Variants in KAZN observed in about 807,000 individuals in gnomAD.
The protein encoded by KAZN is kazrin.
Under a neutral mutation model 87.4 loss-of-function variants are expected in KAZN, and 40 were observed. That is an observed-to-expected ratio of 0.46 (90% CI 0.36 to 0.60). The LOEUF is 0.60. Ranked by LOEUF, KAZN falls within the 20% of genes least tolerant of loss-of-function variation. KAZN has a pLI of 0.00. For missense variants in KAZN, 898 were observed against 1,073.9 expected (o/e 0.84, Z 2.29); for synonymous variants, 466 against 458.3 (o/e 1.02, Z -0.22).
intron 2 of KAZN, among the ~76,000 whole-genome samples, chr1:14,425,297 G>A (rs954094739): frequency 6.6e-6 from 1 of 152,174 alleles, no homozygotes; most frequent in African/African-American, 2.4e-5. Context: ...ATAGCTGGGG[G>A]CATCTGGAAC....
In KAZN at chr1:14,773,393, C is replaced by T. The variant is rs560844316; in HGVS notation, c.226+174170C>T. 6.6e-6 allele frequency among the ~76,000 whole-genome samples: 1 copy of T among 152,264 alleles called. No homozygotes were observed. Among genetic ancestry groups the T allele is most frequent in the Admixed American group, 6.5e-5 (1 of 15,302 alleles). The stretch of plus-strand genomic sequence containing the variant: ...TCAAATGGCTTTCAACAACGCCCTC[C>T]ACTCCACGGGGTCTCCCTTCTTGTA... On this transcript the variant is annotated intron_variant, in intron 1 of 14. Transcript: ENST00000376030. The surrounding 1 kb of genome is among the most constrained non-coding windows in gnomAD (Gnocchi z 5.9).
chr1:14,006,767 C>T (rs1640054745), intron 1 of KAZN, among the ~76,000 whole-genome samples: 1 of 152,136 alleles, frequency 6.6e-6, no homozygotes, highest in Non-Finnish European at 1.5e-5. Context: ...TGTGATGCCT[C>T]TAACTTTGTT....
At chr1:14,502,653 G>A (rs951800414) in intron 2 of KAZN, among the ~76,000 whole-genome samples, 2 of 152,138 alleles carry the variant, frequency 1.3e-5, no homozygotes, top group Non-Finnish European at 2.9e-5. Context: ...GTTGAGGACT[G>A]AACTAAACTA....
chr1:14,937,692 T>C (rs1572872729), intron 1 of KAZN, among the ~76,000 whole-genome samples: 1 of 152,326 alleles, frequency 6.6e-6, no homozygotes, highest in East Asian at 1.9e-4. Flanking sequence ...ACATCCCTGA[T>C]AGAGCTGAGC....
Position 13,907,818 on chromosome 1 carries a change from C to T in KAZN, c.91+14062C>T, listed in dbSNP as rs919308154. Reference sequence around the variant, plus strand: ...TTTTGGATGGGTTTGGGAGTAACTTCTCCCACCGCAACATTTTTTTTGGCT... The same window carrying T: ...TTTTGGATGGGTTTGGGAGTAACTTTTCCCACCGCAACATTTTTTTTGGCT... On this transcript the variant is annotated intron_variant, in intron 1 of 16. Coordinates refer to the KAZN transcript ENST00000636203. Among the ~76,000 whole-genome samples, 22 of 152,180 alleles carry T rather than the reference C, an allele frequency of 1.4e-4. 1 individual carries two copies. The highest frequency in any genetic ancestry group is 2.6e-4 in the Admixed American group (4 of 15,264).
intron 2 of KAZN, among the ~76,000 whole-genome samples, chr1:14,569,990 G>A (rs1435662643): frequency 6.6e-6 from 1 of 152,088 alleles, no homozygotes; most frequent in South Asian, 2.1e-4. Context: ...GTGGGTGCCT[G>A]TAATCCCAGC....
At chr1:14,957,078 C>T (rs1178932480) in intron 1 of KAZN, among the ~76,000 whole-genome samples, 9 of 152,126 alleles carry the variant, frequency 5.9e-5, no homozygotes, top group African/African-American at 7.2e-5. Flanking sequence ...TTCGTGTGTG[C>T]GTCTATTTGC....
chr1:14,016,770 T>C (rs1640591872), intron 1 of KAZN, among the ~76,000 whole-genome samples: 2 of 152,184 alleles, frequency 1.3e-5, no homozygotes, highest in South Asian at 4.1e-4. Context: ...ACGCATATTT[T>C]ACAAAACACA....
At chr1:14,216,508 G>A (rs1456781316) in intron 2 of KAZN, among the ~76,000 whole-genome samples, 1 of 152,206 alleles carries the variant, frequency 6.6e-6, no homozygotes, top group Non-Finnish European at 1.5e-5. Flanking sequence ...CAGAGAACAA[G>A]CTGCTGTATG....
At chr1:14,374,652 A>G (rs1317151546) in intron 2 of KAZN, among the ~76,000 whole-genome samples, 1 of 152,210 alleles carries the variant, frequency 6.6e-6, no homozygotes, top group East Asian at 1.9e-4. Context: ...CCCTTCTGGG[A>G]ACAGCCTCAG....
intron 2 of KAZN, among the ~76,000 whole-genome samples, chr1:14,457,729 G>T (rs924010917): frequency 1.3e-5 from 2 of 152,104 alleles, no homozygotes; most frequent in African/African-American, 4.8e-5. Context: ...AGCTAAGCAT[G>T]GGACAGATCA....
intron 1 of KAZN, among the ~76,000 whole-genome samples, chr1:14,918,041 G>A (rs1405328593): frequency 6.6e-6 from 1 of 152,032 alleles, no homozygotes; most frequent in African/African-American, 2.4e-5. Context: ...ACCACGCCCG[G>A]CTAATTTTTG....
intron 1 of KAZN, among the ~76,000 whole-genome samples, chr1:14,144,139 T>C (rs561344413): frequency 1.3e-5 from 2 of 152,330 alleles, no homozygotes; most frequent in Non-Finnish European, 2.9e-5. Flanking sequence ...CCTTCCTAAA[T>C]GCAGAACTCT....
chr1:14,725,931 G>T (rs115192966), intron 1 of KAZN, among the ~76,000 whole-genome samples: 15 of 152,178 alleles, frequency 9.9e-5, no homozygotes, highest in African/African-American at 3.4e-4. Flanking sequence ...GGAGGGAAGC[G>T]GATGGGCTCA....
intron 2 of KAZN, among the ~76,000 whole-genome samples, chr1:14,231,675 C>T (rs1251287548): frequency 2.0e-5 from 3 of 152,188 alleles, no homozygotes; most frequent in Non-Finnish European, 4.4e-5. Flanking sequence ...AACTGGTTAT[C>T]AGTATCCAGT....
chr1:13,940,320 G>C (rs1470787350), intron 1 of KAZN, among the ~76,000 whole-genome samples: 1 of 151,242 alleles, frequency 6.6e-6, no homozygotes, highest in Admixed American at 6.6e-5. Flanking sequence ...TTTCACACTT[G>C]TTATTGGTCT....
At chr1:15,044,290 G>T (rs888569012) in intron 4 of KAZN, 131 bp downstream of exon 4, 18 of 960,416 alleles carry the variant, frequency 1.9e-5, no homozygotes, top group Non-Finnish European at 2.1e-5. Flanking sequence ...ACACAAGCAG[G>T]GGGCAGGGCC....
chr1:14,280,085 G>A (rs964255994), intron 2 of KAZN, among the ~76,000 whole-genome samples: 1 of 152,056 alleles, frequency 6.6e-6, no homozygotes, highest in African/African-American at 2.4e-5. Flanking sequence ...GGTTGCGGCC[G>A]GGCGCGGTGG....
chr1:14,142,077 T>TTGC (rs2101769757), intron 1 of KAZN, among the ~76,000 whole-genome samples: 1 of 152,124 alleles, frequency 6.6e-6, no homozygotes, highest in East Asian at 1.9e-4. Flanking sequence ...TGTTCCTGCC[T>TTGC]TGCTATCTTC....
Sources: allele counts gnomAD v4.1 joint callset (sites outside exome capture counted in the v4.1 genomes callset), GRCh38; gene constraint gnomAD v4.1.1; non-coding constraint Gnocchi (gnomAD v3.1); transcripts MANE v1.5; gene names NCBI Gene and HGNC (gene_info 2026-07-23, HGNC 2026-07-21).